SPOCK1: variants seen among roughly 807,000 people sequenced by gnomAD.
The protein encoded by SPOCK1 is SPARC (osteonectin), cwcv and kazal like domains proteoglycan 1.
Under a neutral mutation model 55.3 loss-of-function variants are expected in SPOCK1, and 23 were observed. That is an observed-to-expected ratio of 0.42 (90% confidence interval 0.30 to 0.59). The LOEUF is 0.59. Ranked by LOEUF, SPOCK1 falls within the 20% of genes least tolerant of loss-of-function variation. SPOCK1 has a pLI of 0.22. For missense variants in SPOCK1, 499 were observed against 552.5 expected (o/e 0.90, Z 0.97); for synonymous variants, 226 against 221.0 (o/e 1.02, Z -0.20).
intron 2 of SPOCK1, among the ~76,000 whole-genome samples, chr5:137,284,116 A>G (rs1374575186): frequency 6.6e-6 from 1 of 152,240 alleles, no homozygotes; most frequent in Admixed American, 6.5e-5. Context: ...TGAGGAAACT[A>G]TGGCTCAGAG....
chr5:137,330,974 G>T (rs1033177017), intron 2 of SPOCK1, among the ~76,000 whole-genome samples: 2 of 152,184 alleles, frequency 1.3e-5, no homozygotes, highest in Non-Finnish European at 2.9e-5. Flanking sequence ...ACAGGAGAAG[G>T]CCGGAGAGAT....
intron 2 of SPOCK1, among the ~76,000 whole-genome samples, chr5:137,312,815 C>A (rs965958841): frequency 6.6e-6 from 1 of 152,208 alleles, no homozygotes; most frequent in Non-Finnish European, 1.5e-5. Context: ...CTCCCATCAT[C>A]CCCATCCAGT....
At chr5:137,100,878 A>G (rs1445291406) in intron 5 of SPOCK1, among the ~76,000 whole-genome samples, 31 of 150,720 alleles carry the variant, frequency 2.1e-4, no homozygotes, top group Middle Eastern at 6.9e-3. Context: ...GAAAGGGGAA[A>G]AAAAAAAAAA....
intron 5 of SPOCK1, among the ~76,000 whole-genome samples, chr5:137,103,188 AC>A (rs1306133799): frequency 6.6e-6 from 1 of 152,054 alleles, no homozygotes; most frequent in Non-Finnish European, 1.5e-5. Flanking sequence ...ACAGAGTTGC[AC>A]CATGTTGAGC....
chr5:137,404,614 T>G (rs1752056443), intron 2 of SPOCK1, among the ~76,000 whole-genome samples: 2 of 151,136 alleles, frequency 1.3e-5, no homozygotes, highest in Non-Finnish European at 2.9e-5. Context: ...GAGATGGGGT[T>G]TCACTATGCT....
At chr5:137,224,586 C>T (rs890981206) in intron 3 of SPOCK1, among the ~76,000 whole-genome samples, 2 of 152,188 alleles carry the variant, frequency 1.3e-5, no homozygotes, top group African/African-American at 2.4e-5. Context: ...AAAAGCATCA[C>T]CGATCAACCT....
chr5:137,132,001 T>A lies in SPOCK1; in HGVS notation c.347+8579A>T, dbSNP rs1377542689. Among the ~76,000 whole-genome samples the A allele has an allele frequency of 8.7e-3, 477 of 54,898 alleles. 11 individuals are homozygous for A. The highest frequency in any genetic ancestry group is 0.012 in the Middle Eastern group (1 of 82). 36.0% of individuals were successfully genotyped at this position (54,898 alleles called of 152,430 possible). A position where few individuals can be genotyped will look rare whatever the true frequency, so the allele number is the denominator to read the frequency against. On this transcript the variant is annotated intron_variant, in intron 4 of 10. Transcript: ENST00000394945. The stretch of plus-strand genomic sequence containing the variant: ...AAAAAAAAAAAAAAATATATATATA[T>A]ATATATATATATATATATAAAAAAT...
At chr5:137,299,113 ACTGT>A (rs1168384210) in intron 2 of SPOCK1, among the ~76,000 whole-genome samples, 2 of 152,036 alleles carry the variant, frequency 1.3e-5, no homozygotes, top group African/African-American at 4.8e-5. Flanking sequence ...TAATTCTTAT[ACTGT>A]CTATTTTGGC....
At chr5:137,204,862 CT>C (rs1191879292) in intron 3 of SPOCK1, among the ~76,000 whole-genome samples, 1 of 152,158 alleles carries the variant, frequency 6.6e-6, no homozygotes, top group African/African-American at 2.4e-5. Flanking sequence ...GCACTCGCCT[CT>C]GCTTCTCGAG....
intron 2 of SPOCK1, among the ~76,000 whole-genome samples, chr5:137,468,794 CAGGCATG>C (rs1285491124): frequency 4.6e-5 from 7 of 152,126 alleles, no homozygotes; most frequent in Admixed American, 2.6e-4. Context: ...GAGAACGAAG[CAGGCATG>C]ATCACAGTTA....
chr5:137,094,039 G>T (rs1230759536), intron 5 of SPOCK1, among the ~76,000 whole-genome samples: 1 of 152,154 alleles, frequency 6.6e-6, no homozygotes, highest in Non-Finnish European at 1.5e-5. Context: ...GTAGCAATGG[G>T]GATAAGTGGC....
intron 6 of SPOCK1, among the ~76,000 whole-genome samples, chr5:137,035,619 C>T (rs961034186): frequency 2.0e-5 from 3 of 152,104 alleles, no homozygotes; most frequent in African/African-American, 7.2e-5. Flanking sequence ...GTCTGAGACT[C>T]CTTGGAGAAG....
intron 4 of SPOCK1, among the ~76,000 whole-genome samples, chr5:137,121,684 A>T (rs573178181): frequency 6.8e-6 from 1 of 146,560 alleles, no homozygotes; most frequent in Non-Finnish European, 1.5e-5. Flanking sequence ...TATATTATAT[A>T]TTTGGTTTCC....
At chr5:137,123,019 C>T (rs1313250790) in intron 4 of SPOCK1, among the ~76,000 whole-genome samples, 1 of 152,190 alleles carries the variant, frequency 6.6e-6, no homozygotes, top group Non-Finnish European at 1.5e-5. Flanking sequence ...CCAGGACAGA[C>T]ACAGAGACAG....
chr5:136,988,684 A>T (rs1750890920), intron 7 of SPOCK1, 41 bp from the exon 8 acceptor site: 2 of 1,570,994 alleles, frequency 1.3e-6, no homozygotes, highest in South Asian at 2.3e-5. Context: ...ACCAAGCCTG[A>T]TGCTTTCCTC....
At chr5:137,202,072 G>T (rs537571043) in intron 3 of SPOCK1, among the ~76,000 whole-genome samples, 2 of 152,258 alleles carry the variant, frequency 1.3e-5, no homozygotes, top group Admixed American at 1.3e-4. Flanking sequence ...AACAATACGT[G>T]GCCAACCATC....
At chr5:137,342,269 G>T (rs116288534) in intron 2 of SPOCK1, among the ~76,000 whole-genome samples, 1 of 152,110 alleles carries the variant, frequency 6.6e-6, no homozygotes, top group African/African-American at 2.4e-5. Context: ...GAACTGCCAG[G>T]TTTCCTTCAG....
intron 5 of SPOCK1, among the ~76,000 whole-genome samples, chr5:137,095,298 C>T (rs1733904407): frequency 6.6e-6 from 1 of 152,070 alleles, no homozygotes; most frequent in Non-Finnish European, 1.5e-5. Flanking sequence ...AAATTGGTAC[C>T]AACAGACTTG....
At chr5:137,418,301 A>C (rs1302595782) in intron 2 of SPOCK1, among the ~76,000 whole-genome samples, 1 of 152,100 alleles carries the variant, frequency 6.6e-6, no homozygotes, top group African/African-American at 2.4e-5. Flanking sequence ...ATGATTTATA[A>C]TCCTTTGGGT....
Sources: allele counts gnomAD v4.1 joint callset (sites outside exome capture counted in the v4.1 genomes callset), GRCh38; gene constraint gnomAD v4.1.1; transcripts MANE v1.5; gene names NCBI Gene and HGNC (gene_info 2026-07-23, HGNC 2026-07-21).